Variants in ATXN2 observed in about 807,000 individuals in gnomAD.
ATXN2 encodes the protein ataxin 2.
Under a neutral mutation model 138.6 loss-of-function variants are expected in ATXN2, and 37 were observed. That is an observed-to-expected ratio of 0.27 (90% CI 0.21 to 0.35). The LOEUF is 0.35. ATXN2 is among the 10% of genes least tolerant of loss of function. The pLI, the probability that ATXN2 is intolerant of heterozygous loss-of-function variation, is 1.00. For missense variants in ATXN2, 1,216 were observed against 1,480.3 expected (o/e 0.82, Z 2.93); for synonymous variants, 549 against 543.7 (o/e 1.01, Z -0.13).
chr12:111,473,542 AG>A (rs1464973221), intron 18 of ATXN2, among the ~76,000 whole-genome samples: 47 of 152,196 alleles, frequency 3.1e-4, no homozygotes, highest in Non-Finnish European at 6.6e-4. Context: ...TGAAAGGAAA[AG>A]AATGTCACCA....
chr12:111,456,951 T>C (rs1294751691), intron 22 of ATXN2, among the ~76,000 whole-genome samples: 1 of 152,076 alleles, frequency 6.6e-6, no homozygotes, highest in African/African-American at 2.4e-5. Context: ...AGTTTCACAG[T>C]GTTCGCCAGG....
chr12:111,481,243 G>A (rs756127051), intron 18 of ATXN2, among the ~76,000 whole-genome samples: 16 of 152,096 alleles, frequency 1.1e-4, no homozygotes, highest in Non-Finnish European at 2.2e-4. Flanking sequence ...TCAGGAATTC[G>A]AGACCAGCCT....
Position 111,474,780 on chromosome 12 carries a change from T to G in ATXN2, c.2525-4038A>C, listed in dbSNP as rs12230853. ...CTAGGTTATTAATGTCTCAATACAT[T>G]CGTAATAAAAAGTTACCGCAAGGCT... is the stretch of plus-strand genomic sequence containing the variant. On this transcript the variant is annotated intron_variant, in intron 18 of 24. Transcript: ENST00000673436. Among the ~76,000 whole-genome samples, 5,583 of 152,222 alleles carry G rather than the reference T, an allele frequency of 0.037. 981 individuals are homozygous for G. The East Asian group carries it at 0.57, about 16-fold the overall frequency.
At chr12:111,505,142 G>A (rs949964495) in intron 14 of ATXN2, among the ~76,000 whole-genome samples, 1 of 152,176 alleles carries the variant, frequency 6.6e-6, no homozygotes, top group Non-Finnish European at 1.5e-5. Context: ...CCAGGAGGCT[G>A]AGGCTGCTGT....
At chr12:111,526,667 A>G (rs1350238700) in intron 5 of ATXN2, among the ~76,000 whole-genome samples, 1 of 152,166 alleles carries the variant, frequency 6.6e-6, no homozygotes, top group Non-Finnish European at 1.5e-5. Context: ...GGCCTCCCAA[A>G]GTGCTGGGAT....
At chr12:111,489,484 G>C (rs1877875538) in intron 14 of ATXN2, among the ~76,000 whole-genome samples, 2 of 152,074 alleles carry the variant, frequency 1.3e-5, no homozygotes, top group Admixed American at 6.6e-5. Flanking sequence ...ATGGTGGCAG[G>C]CGCCTATAGT....
intron 2 of ATXN2, among the ~76,000 whole-genome samples, chr12:111,554,528 C>T (rs1882286648): frequency 6.6e-6 from 1 of 152,096 alleles, no homozygotes; most frequent in Non-Finnish European, 1.5e-5. Context: ...TAATATTTTG[C>T]TTCCATAGAG....
intron 5 of ATXN2, among the ~76,000 whole-genome samples, chr12:111,528,072 T>C (rs1389459228): frequency 6.6e-6 from 1 of 152,232 alleles, no homozygotes; most frequent in African/African-American, 2.4e-5. Context: ...GCAACAGGAC[T>C]GTTCCTTTAC....
chr12:111,593,755 T>C (rs1431941821), intron 1 of ATXN2, among the ~76,000 whole-genome samples: 4 of 152,236 alleles, frequency 2.6e-5, no homozygotes, highest in Admixed American at 2.6e-4. Context: ...AACATGTCTC[T>C]TTGGTTAGTA....
At position 111,470,732 on chromosome 12, in the gene ATXN2, C is replaced by A; in HGVS notation, c.2535G>T (p.Met845Ile). The A allele has an allele frequency of 6.2e-7, 1 of 1,613,982 alleles. No individual in the cohort carries two copies. Among genetic ancestry groups the A allele is most frequent in the Non-Finnish European group, 8.5e-7 (1 of 1,180,002 alleles). The change falls in exon 19 of 25, where the codon ATG becomes ATT. Residue 845 changes from methionine to isoleucine, a missense_variant. Transcript: ENST00000673436. Reference protein sequence around the residue: ...KTYRAGKVPNMPQQRQDQHHQ... With the variant: ...KTYRAGKVPNIPQQRQDQHHQ... ...GATGCTGGTCTTGCCGCTGTTGGGG[C>A]ATATTTGGTACTGCAGAAAAAAAAG... is the stretch of plus-strand genomic sequence containing the variant.
intron 5 of ATXN2, among the ~76,000 whole-genome samples, chr12:111,540,308 C>G (rs1235224329): frequency 1.3e-5 from 2 of 150,508 alleles, no homozygotes; most frequent in African/African-American, 4.8e-5. Context: ...TATCAGTAAA[C>G]AGTCTTACTG....
intron 20 of ATXN2, among the ~76,000 whole-genome samples, chr12:111,467,307 CTTTTTTTT>C (rs61507608): frequency 2.9e-4 from 10 of 34,842 alleles, no homozygotes; most frequent in African/African-American, 9.1e-4. Context: ...CATGACTGGG[CTTTTTTTT>C]TTTTTTTTTT....
intron 1 of ATXN2, among the ~76,000 whole-genome samples, chr12:111,565,612 G>C (rs947070575): frequency 4.6e-5 from 7 of 152,064 alleles, no homozygotes; most frequent in Non-Finnish European, 8.8e-5. Flanking sequence ...AATAAATGTT[G>C]TGTGTTATGA....
Position 111,599,179 on chromosome 12 carries a change from G to A in ATXN2, c.-145C>T. ...GCGCGGCCGGAGGGGCGCCCGGGCT[G>A]GCGAGGGGGAGAAGGAGGACGACGA... On this transcript the variant is annotated 5_prime_UTR_variant, in exon 1 of 25. Transcript: ENST00000673436. 3 of 1,204,704 alleles carry A rather than the reference G, an allele frequency of 2.5e-6. No homozygotes were observed. Among genetic ancestry groups the A allele is most frequent in the Non-Finnish European group, 2.1e-6 (2 of 971,286 alleles). The allele number at this position is 1,204,704 out of a possible 1,614,324, so 74.6% of individuals were successfully genotyped here.
In ATXN2 at chr12:111,453,813, A is replaced by G. The variant is rs1429620612; in HGVS notation, c.3303T>C (p.His1101=). ...GCATCATTGGCGCATGGGCAGTTGG[A>G]TGAGAAGGAACCATTCCTGACTGTA... ...AHVQSGMVPS[H]PTAHAPMMLM... is the part of the protein sequence containing the mutation. Residue 1101 remains histidine (H), a synonymous_variant, in exon 24 of 25, where the codon CAT becomes CAC. Coordinates refer to ENST00000673436, the MANE Select transcript of ATXN2 (RefSeq NM_001372574.1). This position sits in a 1 kb window ranked among gnomAD's most constrained non-coding sequence, Gnocchi z 5.4. 1.4e-5 allele frequency: 22 copies of G among 1,613,690 alleles called. No homozygotes were observed. Among genetic ancestry groups the G allele is most frequent in the Non-Finnish European group, 1.7e-5 (20 of 1,179,898 alleles).
intron 18 of ATXN2, among the ~76,000 whole-genome samples, chr12:111,476,450 T>A (rs1876820212): frequency 6.7e-6 from 1 of 148,750 alleles, no homozygotes. Context: ...AATGCACCAG[T>A]ACAATAAGAC....
chr12:111,583,729 T>C (rs929158119), intron 1 of ATXN2, among the ~76,000 whole-genome samples: 8 of 122,668 alleles, frequency 6.5e-5, no homozygotes, highest in Non-Finnish European at 1.3e-4. Flanking sequence ...ATCGCACCAT[T>C]GCACTCCAGC....
intron 21 of ATXN2, among the ~76,000 whole-genome samples, chr12:111,464,280 G>GTGTA (rs1375698140): frequency 1.3e-5 from 2 of 149,642 alleles, no homozygotes; most frequent in African/African-American, 4.9e-5. Flanking sequence ...GTGTGTGTGT[G>GTGTA]TGTATAAATA....
At chr12:111,457,114 A>C (rs1362839352) in intron 22 of ATXN2, 100 bp downstream of exon 22, 2 of 1,384,432 alleles carry the variant, frequency 1.4e-6, no homozygotes, top group Non-Finnish European at 9.8e-7. Context: ...GAGGGTGGAC[A>C]TGCCATGTGT....
Sources: gnomAD v4.1 joint callset for allele counts (sites outside exome capture counted in the v4.1 genomes callset) on GRCh38, gnomAD v4.1.1 for gene constraint, Gnocchi (gnomAD v3.1) non-coding constraint, MANE v1.5 for transcripts, NCBI Gene and HGNC (gene_info 2026-07-23, HGNC 2026-07-21) for gene names.